Variants in DOK6 observed in about 807,000 individuals in gnomAD.
DOK6 encodes the protein downstream of tyrosine kinase 6.
DOK6 carries 22 observed loss-of-function variants against 44.0 expected under a neutral mutation model. The observed-to-expected ratio is 0.50, with a 90% CI of 0.36 to 0.71. The LOEUF (loss-of-function observed/expected upper bound fraction) is 0.71, where lower values mean the gene tolerates loss of function less well. Ranked by LOEUF, DOK6 falls within the 30% of genes least tolerant of loss-of-function variation. The pLI, the probability that DOK6 is intolerant of heterozygous loss-of-function variation, is 0.00. For synonymous variants in DOK6, 166 were observed against 145.5 expected, an observed-to-expected ratio of 1.14 and a Z score of -1.01; for missense variants, 340 against 416.4, an observed-to-expected ratio of 0.82 and a Z score of 1.60.
chr18:69,602,453 C>T (rs960558490), intron 3 of DOK6, among the ~76,000 whole-genome samples: 1 of 152,140 alleles, frequency 6.6e-6, no homozygotes, highest in African/African-American at 2.4e-5. Context: ...AAAACTGTCC[C>T]AACCAAGAGG....
At chr18:69,486,779 A>G (rs1980588945) in intron 1 of DOK6, among the ~76,000 whole-genome samples, 1 of 152,204 alleles carries the variant, frequency 6.6e-6, no homozygotes, top group African/African-American at 2.4e-5. Flanking sequence ...AACCTACCAC[A>G]GCATACTTTT....
At chr18:69,621,621 A>G (rs1681570824) in intron 3 of DOK6, among the ~76,000 whole-genome samples, 1 of 152,140 alleles carries the variant, frequency 6.6e-6, no homozygotes, top group African/African-American at 2.4e-5. Context: ...ATTGAATTGA[A>G]AAGATCATGG....
chr18:69,544,331 C>T (rs78544091), intron 1 of DOK6, among the ~76,000 whole-genome samples: 6 of 151,372 alleles, frequency 4.0e-5, no homozygotes, highest in African/African-American at 9.7e-5. Context: ...ATTATCCATG[C>T]GTTAGTGATG....
chr18:69,561,160 A>T (rs1982822773), intron 1 of DOK6, among the ~76,000 whole-genome samples: 2 of 152,286 alleles, frequency 1.3e-5, no homozygotes, highest in African/African-American at 4.8e-5. Flanking sequence ...CCATCTTGGT[A>T]AATCCTCCGT....
At chr18:69,657,681 A>G (rs992119568) in intron 3 of DOK6, among the ~76,000 whole-genome samples, 2 of 152,348 alleles carry the variant, frequency 1.3e-5, no homozygotes, top group South Asian at 2.1e-4. Flanking sequence ...AATAGTCTCA[A>G]AATAAAAATT....
chr18:69,700,434 A>G (rs1475876643), intron 5 of DOK6, among the ~76,000 whole-genome samples: 1 of 152,082 alleles, frequency 6.6e-6, no homozygotes, highest in African/African-American at 2.4e-5. Flanking sequence ...TTAAATAACA[A>G]GTCATTTTCT....
At chr18:69,509,689 T>C (rs1981311645) in intron 1 of DOK6, among the ~76,000 whole-genome samples, 1 of 151,552 alleles carries the variant, frequency 6.6e-6, no homozygotes, top group Non-Finnish European at 1.5e-5. Flanking sequence ...ATTTGTACTT[T>C]CTGTGTCAGA....
chr18:69,635,908 G>A (rs78431239), intron 3 of DOK6, among the ~76,000 whole-genome samples: 2,330 of 152,272 alleles, frequency 0.015, 22 homozygotes, highest in South Asian at 0.049. Flanking sequence ...AAGGTTGCCC[G>A]TTTTCAGTGG....
intron 1 of DOK6, among the ~76,000 whole-genome samples, chr18:69,487,227 CTGTGTGTGTG>C (rs150469904): frequency 8.0e-6 from 1 of 125,108 alleles, no homozygotes; most frequent in Admixed American, 8.1e-5. Context: ...GTGTGTCTGT[CTGTGTGTGTG>C]TGTGTGTTGG....
chr18:69,679,733 T>G (rs1378014289), intron 4 of DOK6, among the ~76,000 whole-genome samples: 1 of 152,226 alleles, frequency 6.6e-6, no homozygotes, highest in Non-Finnish European at 1.5e-5. Context: ...CTTTTTACTT[T>G]GAAGATTTGG....
chr18:69,592,481 A>G (rs1233763385), intron 2 of DOK6, among the ~76,000 whole-genome samples: 1 of 152,032 alleles, frequency 6.6e-6, no homozygotes, highest in Non-Finnish European at 1.5e-5. Flanking sequence ...TTGCTTAGGG[A>G]TTTCTCTTTA....
chr18:69,764,670 T>C (rs1359251361), intron 7 of DOK6, among the ~76,000 whole-genome samples: 1 of 152,174 alleles, frequency 6.6e-6, no homozygotes, highest in East Asian at 1.9e-4. Context: ...AATTACTCAG[T>C]TTCAGGTGTT....
chr18:69,710,180 G>GA (rs1986726210), intron 5 of DOK6, among the ~76,000 whole-genome samples: 1 of 151,926 alleles, frequency 6.6e-6, no homozygotes, highest in East Asian at 1.9e-4. Context: ...CCCTGTCTCA[G>GA]AAAAAAGAAA....
chr18:69,555,599 G>C (rs1226846959), intron 1 of DOK6, among the ~76,000 whole-genome samples: 9 of 152,132 alleles, frequency 5.9e-5, no homozygotes, highest in Admixed American at 5.9e-4. Flanking sequence ...GTATTTGTCT[G>C]ATTCTACGGT....
At chr18:69,653,194 C>T (rs1281739628) in intron 3 of DOK6, among the ~76,000 whole-genome samples, 1 of 151,994 alleles carries the variant, frequency 6.6e-6, no homozygotes. Context: ...CCATCTATAC[C>T]TTGAAGCGTT....
At chr18:69,520,888 C>T (rs1981666396) in intron 1 of DOK6, among the ~76,000 whole-genome samples, 1 of 151,626 alleles carries the variant, frequency 6.6e-6, no homozygotes, top group Admixed American at 6.6e-5. Flanking sequence ...CTAGGCTCTA[C>T]CTAAATAGTT....
chr18:69,674,375 A>G (rs138300392), intron 3 of DOK6, among the ~76,000 whole-genome samples: 2 of 152,292 alleles, frequency 1.3e-5, no homozygotes, highest in Non-Finnish European at 1.5e-5. Flanking sequence ...GAAAATCATG[A>G]AAAGAATGAA....
At chr18:69,833,054 A>G (rs1981947137) in intron 7 of DOK6, among the ~76,000 whole-genome samples, 1 of 152,200 alleles carries the variant, frequency 6.6e-6, no homozygotes. Context: ...ACAGAAGTAG[A>G]AAAGACAATT....
intron 1 of DOK6, among the ~76,000 whole-genome samples, chr18:69,541,853 A>G (rs972875261): frequency 9.2e-5 from 14 of 151,594 alleles, no homozygotes; most frequent in African/African-American, 3.1e-4. Context: ...ATTGATAGGA[A>G]AAAGTAATCA....
Sources: allele counts gnomAD v4.1 joint callset (sites outside exome capture counted in the v4.1 genomes callset), GRCh38; gene constraint gnomAD v4.1.1; transcripts MANE v1.5; gene names NCBI Gene and HGNC (gene_info 2026-07-23, HGNC 2026-07-21).